BACH1: variants seen among roughly 807,000 people sequenced by gnomAD.
BACH1 encodes the protein BTB domain and CNC homolog 1.
BACH1 carries 35 observed loss-of-function variants against 52.9 expected under a neutral mutation model. The observed-to-expected ratio is 0.66, with a 90% confidence interval of 0.51 to 0.88. The LOEUF is 0.88. Among genes scored for constraint, BACH1 ranks in the 40% least tolerant of loss-of-function variants. The probability of loss-of-function intolerance (pLI) is 0.00; values close to 1 mark genes in which losing one functional copy is unlikely to be tolerated. For missense variants in BACH1, 808 were observed against 872.6 expected, an observed-to-expected ratio of 0.93 and a Z score of 0.93; for synonymous variants, 321 against 319.6, an observed-to-expected ratio of 1.00 and a Z score of -0.05.
At chr21:29,322,031 C>T (rs538744170) in intron 2 of BACH1, among the ~76,000 whole-genome samples, 2 of 152,280 alleles carry the variant, frequency 1.3e-5, no homozygotes, top group East Asian at 3.9e-4. Flanking sequence ...AAGGGACTTA[C>T]GTGGTGGTGG....
At chr21:29,350,503 G>C (rs1023744294), downstream of BACH1, among the ~76,000 whole-genome samples, 2 of 152,308 alleles carry the variant, frequency 1.3e-5, no homozygotes, top group Non-Finnish European at 2.9e-5. Context: ...TCTTGTTAGA[G>C]GGAAGTAACT....
intron 4 of BACH1, among the ~76,000 whole-genome samples, chr21:29,330,002 T>A (rs1450929890): frequency 6.6e-6 from 1 of 152,162 alleles, no homozygotes; most frequent in Non-Finnish European, 1.5e-5. Context: ...AGGTGTTCAT[T>A]TAAATGAACT....
At position 29,321,346 on chromosome 21, in the gene BACH1, C is replaced by G. The variant is rs1028243602; in HGVS notation, c.66C>G (p.Leu22=). 2.5e-6 allele frequency: 4 copies of G among 1,614,226 alleles called. No individual in the cohort carries two copies. Among genetic ancestry groups the G allele is most frequent in the African/African-American group, 1.3e-5 (1 of 75,066 alleles). The part of the protein sequence containing the change: ...ESSVHSTNVL[L]SLNDQRKKDV... ...CTGTGCATAGCACCAATGTTTTACT[C>G]AGCCTTAATGACCAGCGGAAGAAAG... is the stretch of plus-strand genomic sequence containing the variant. Residue 22 remains leucine (L), a synonymous_variant, in exon 2 of 5, where the codon CTC becomes CTG. Transcript: ENST00000286800.
At chr21:29,314,158 A>G (rs1281228106) in intron 1 of BACH1, among the ~76,000 whole-genome samples, 4 of 152,194 alleles carry the variant, frequency 2.6e-5, no homozygotes, top group African/African-American at 7.2e-5. Flanking sequence ...AAAAGACTTC[A>G]TTGTTTCTTA....
At chr21:29,303,217 T>A (rs188314688) in intron 1 of BACH1, among the ~76,000 whole-genome samples, 33 of 152,372 alleles carry the variant, frequency 2.2e-4, no homozygotes, top group South Asian at 4.1e-4. Flanking sequence ...ACAGAAAAAT[T>A]ATCCATGAAA....
At chr21:29,346,862 A>AG (rs76762481), downstream of BACH1, among the ~76,000 whole-genome samples, 109,688 of 152,008 alleles carry the variant, frequency 0.72, 41,183 homozygotes, top group African/African-American at 0.93. Context: ...AATCGGGAGA[A>AG]GATGGTCTCT....
intron 2 of BACH1, among the ~76,000 whole-genome samples, chr21:29,353,786 A>G (rs1421687337): frequency 6.6e-6 from 1 of 152,190 alleles, no homozygotes; most frequent in African/African-American, 2.4e-5. Flanking sequence ...CCTTATGCAT[A>G]AAAAATATTG....
chr21:29,308,483 T>C (rs2088683697), intron 1 of BACH1, among the ~76,000 whole-genome samples: 1 of 152,214 alleles, frequency 6.6e-6, no homozygotes, highest in Admixed American at 6.5e-5. Context: ...ACATTCTTTT[T>C]TATACTCTTA....
intron 4 of BACH1, among the ~76,000 whole-genome samples, chr21:29,330,552 G>T (rs764016883): frequency 1.3e-5 from 2 of 151,882 alleles, no homozygotes; most frequent in Non-Finnish European, 2.9e-5. Flanking sequence ...TCTTTTTTCC[G>T]TTGGTGGAAG....
intron 1 of BACH1, among the ~76,000 whole-genome samples, chr21:29,303,815 AAAATATTC>A (rs3831782): frequency 0.047 from 7,203 of 152,278 alleles, 497 homozygotes; most frequent in African/African-American, 0.16. Context: ...GACAGGTTAG[AAAATATTC>A]AAATATTCAT....
chr21:29,334,340 C>T (rs890699576), intron 4 of BACH1, among the ~76,000 whole-genome samples: 3 of 152,150 alleles, frequency 2.0e-5, no homozygotes, highest in South Asian at 2.1e-4. Flanking sequence ...CCTCTTGATC[C>T]GCCCGCCTCG....
chr21:29,341,612 A>G (rs1479425650), intron 4 of BACH1, among the ~76,000 whole-genome samples: 1 of 152,212 alleles, frequency 6.6e-6, no homozygotes, highest in Non-Finnish European at 1.5e-5. Flanking sequence ...ATATCTTAAA[A>G]TTATAATAAT....
intron 2 of BACH1, among the ~76,000 whole-genome samples, chr21:29,352,281 T>G (rs2089207235): frequency 1.3e-5 from 2 of 152,084 alleles, no homozygotes; most frequent in Non-Finnish European, 2.9e-5. Context: ...CTTGAACTCC[T>G]GACCTCAAGT....
chr21:29,358,108 GC>G (rs1294537987), intron 2 of BACH1, among the ~76,000 whole-genome samples: 1 of 152,200 alleles, frequency 6.6e-6, no homozygotes, highest in African/African-American at 2.4e-5. Context: ...GAGAAGGAGG[GC>G]CCCTGGGGTT....
At position 29,358,775 on chromosome 21, in the gene BACH1, AAAGAAAGAAAGAAAG is replaced by A. The variant is rs1294600373; in HGVS notation, c.472+29085_472+29099del. 1.8e-3 allele frequency among the ~76,000 whole-genome samples: 150 copies of A among 83,462 alleles called. 3 individuals carry two copies. The East Asian group carries it at 0.033, about 18-fold the overall frequency. The allele number at this position is 83,462 out of a possible 152,430, so 54.8% of individuals were successfully genotyped here. On this transcript the variant is annotated intron_variant, in intron 2 of 4. Transcript: ENST00000422809. Reference sequence around the variant, plus strand: ...AAAAGAAAAGAAAAGAAAAGAAAAGAAAGAAAGAAAGAAAGAAAGAAAGAAAGAAAGAAAGAAAGA... The same window carrying A: ...AAAAGAAAAGAAAAGAAAAGAAAAGAAAAGAAAGAAAGAAAGAAAGAAAGA...
chr21:29,318,084 T>TA (rs201202898), intron 1 of BACH1, among the ~76,000 whole-genome samples: 4 of 150,482 alleles, frequency 2.7e-5, no homozygotes, highest in African/African-American at 4.9e-5. Context: ...AACTGGGATT[T>TA]AAAAAAAAAA....
At chr21:29,335,808 A>ACCCCTTGGTGTCACTGTTGT (rs1239502589) in intron 4 of BACH1, among the ~76,000 whole-genome samples, 1 of 151,654 alleles carries the variant, frequency 6.6e-6, no homozygotes, top group East Asian at 1.9e-4. Flanking sequence ...TTGGTCTCTC[A>ACCCCTTGGTGTCACTGTTGT]CCCCTTGGTG....
At chr21:29,356,050 G>A (rs150050891) in intron 2 of BACH1, among the ~76,000 whole-genome samples, 10 of 152,298 alleles carry the variant, frequency 6.6e-5, no homozygotes, top group Admixed American at 4.6e-4. Context: ...GATAGATTTC[G>A]TTATTTCTTG....
chr21:29,343,608 C>T lies in BACH1; in HGVS notation c.*775C>T, dbSNP rs1187078415. The T allele has an allele frequency of 2.0e-5, 3 of 152,122 alleles. No individual in the cohort carries two copies. Among genetic ancestry groups the T allele is most frequent in the East Asian group, 1.9e-4 (1 of 5,204 alleles). 9.4% of individuals were successfully genotyped at this position (152,122 alleles called of 1,614,324 possible). On this transcript the variant is annotated 3_prime_UTR_variant, in exon 5 of 5. Transcript: ENST00000286800. ...CTTCCTATTTCCTGGCATTTTTGTCCCTTTGGAAGAAGAAATAGGACTCAG... is the reference window on the plus strand; with the variant it reads ...CTTCCTATTTCCTGGCATTTTTGTCTCTTTGGAAGAAGAAATAGGACTCAG...
Sources: gnomAD v4.1 joint callset for allele counts (sites outside exome capture counted in the v4.1 genomes callset) on GRCh38, gnomAD v4.1.1 for gene constraint, MANE v1.5 for transcripts, NCBI Gene and HGNC (gene_info 2026-07-23, HGNC 2026-07-21) for gene names.